Variants in CBR4 observed in about 807,000 individuals in gnomAD.
CBR4 encodes the protein carbonyl reductase 4.
In CBR4, 22 loss-of-function variants were observed where a neutral mutation model predicts 21.0. That is an observed-to-expected ratio of 1.05 (90% CI 0.75 to 1.50). The LOEUF (loss-of-function observed/expected upper bound fraction) is 1.50, where lower values mean the gene tolerates loss of function less well. Among genes scored for constraint, CBR4 ranks in the 40% most tolerant of loss-of-function variants. The pLI is 0.00. For synonymous variants in CBR4, 100 were observed against 104.4 expected (o/e 0.96, Z 0.26); for missense variants, 302 against 286.3 (o/e 1.05, Z -0.40).
intron 2 of CBR4, among the ~76,000 whole-genome samples, chr4:168,957,392 G>T (rs1052286535): frequency 2.0e-5 from 3 of 151,560 alleles, no homozygotes; most frequent in Non-Finnish European, 4.4e-5. Context: ...GGGAAATTTT[G>T]TTCTCCAATG....
chr4:168,924,534 A>T, intron 2 of CBR4: 1 of 1,073,372 alleles, frequency 9.3e-7, no homozygotes, highest in Non-Finnish European at 1.4e-6. Flanking sequence ...AGATGTTTTG[A>T]TTTTTGATGA....
chr4:168,900,958 T>C (rs1756385962), intron 2 of CBR4, among the ~76,000 whole-genome samples: 1 of 152,260 alleles, frequency 6.6e-6, no homozygotes, highest in South Asian at 2.1e-4. Context: ...TCTAAGATTA[T>C]TGATTCTTAT....
chr4:168,937,203 A>G (rs771314016), intron 2 of CBR4, among the ~76,000 whole-genome samples: 10 of 152,156 alleles, frequency 6.6e-5, no homozygotes, highest in Middle Eastern at 3.2e-3. Flanking sequence ...TTCATATCCA[A>G]CCAAACTAAG....
chr4:168,938,630 C>T (rs536900554), intron 2 of CBR4, among the ~76,000 whole-genome samples: 1 of 152,236 alleles, frequency 6.6e-6, no homozygotes, highest in Admixed American at 6.5e-5. Context: ...CAGGGGATAT[C>T]ACCACCAATC....
At position 169,007,654 on chromosome 4, in the gene CBR4, T is replaced by C; in HGVS notation, c.245A>G (p.Asn82Ser). The change falls in exon 2 of 5, where the codon AAT becomes AGT. Residue 82 changes from asparagine to serine, a missense_variant. Asn to Ser is a conservative substitution (Grantham distance 46). Transcript: ENST00000306193. ...GACCAACCTGTTAATACCAGCTGCA[T>C]TTACCAAGAAATTTACTCGACCTAA... ...KHLGRVNFLVNAAGINRDGLL... is the reference protein window; with the variant it reads ...KHLGRVNFLVSAAGINRDGLL... 1 of 1,583,346 alleles carries C rather than the reference T, an allele frequency of 6.3e-7. No individual in the cohort carries two copies. Among genetic ancestry groups the C allele is most frequent in the Non-Finnish European group, 8.6e-7 (1 of 1,166,984 alleles).
At chr4:168,912,253 T>G (rs1048283330) in intron 2 of CBR4, among the ~76,000 whole-genome samples, 1 of 152,224 alleles carries the variant, frequency 6.6e-6, no homozygotes, top group Non-Finnish European at 1.5e-5. Flanking sequence ...GAGAATTTTA[T>G]TCTGAGTGTA....
intron 2 of CBR4, among the ~76,000 whole-genome samples, chr4:168,961,815 G>A (rs1163178733): frequency 2.0e-5 from 3 of 152,032 alleles, no homozygotes; most frequent in Non-Finnish European, 2.9e-5. Context: ...GCTTGAACCC[G>A]GGAGGCGGAG....
intron 2 of CBR4, among the ~76,000 whole-genome samples, chr4:168,938,573 AAAG>A (rs1763175472): frequency 6.6e-6 from 1 of 152,208 alleles, no homozygotes. Context: ...CCAGGCTACT[AAAG>A]AAGAAAAAAG....
intron 2 of CBR4, among the ~76,000 whole-genome samples, chr4:168,979,460 C>T (rs1223195170): frequency 6.6e-6 from 1 of 152,190 alleles, no homozygotes; most frequent in Non-Finnish European, 1.5e-5. Flanking sequence ...TGGACTGGGC[C>T]CCCAGCACAG....
chr4:169,007,546 T>C (rs1731008990), intron 2 of CBR4, 90 bp downstream of exon 2: 1 of 762,754 alleles, frequency 1.3e-6, no homozygotes, highest in Non-Finnish European at 1.8e-6. Flanking sequence ...AGAAGCAAAA[T>C]AAACATATTA....
At chr4:168,914,614 TAGAG>T (rs35221849) in intron 2 of CBR4, among the ~76,000 whole-genome samples, 3,127 of 152,282 alleles carry the variant, frequency 0.021, 86 homozygotes, top group African/African-American at 0.069. Flanking sequence ...TAGGCAGAGA[TAGAG>T]AAAGGATTAT....
At chr4:168,929,256 C>G (rs114248640) in intron 2 of CBR4, among the ~76,000 whole-genome samples, 1 of 152,088 alleles carries the variant, frequency 6.6e-6, no homozygotes, top group African/African-American at 2.4e-5. Context: ...TTACAACAGA[C>G]GGACAACATA....
intron 2 of CBR4, among the ~76,000 whole-genome samples, chr4:168,919,368 C>CA (rs1760941393): frequency 6.6e-6 from 1 of 151,760 alleles, no homozygotes; most frequent in African/African-American, 2.4e-5. Context: ...TACTAAAATA[C>CA]AAAAAAATCA....
At position 168,921,675 on chromosome 4, in the gene CBR4, A is replaced by G. The variant is rs746066225; in HGVS notation, n.170-26910T>C. ...GCCAGTCACGTCACGTGATGCCGGC[A>G]TCTACACATGTATAGCTACCAACCG... On this transcript the variant is annotated intron_variant and non_coding_transcript_variant, in intron 2 of 3. Coordinates refer to the CBR4 transcript ENST00000509108. 2.0e-5 allele frequency: 32 copies of G among 1,611,530 alleles called. No individual in the cohort carries two copies. The South Asian group carries it at 3.4e-4, about 17-fold the overall frequency.
At chr4:168,985,251 AAAG>A (rs1034498676), downstream of CBR4, among the ~76,000 whole-genome samples, 10 of 152,300 alleles carry the variant, frequency 6.6e-5, no homozygotes, top group South Asian at 2.1e-4. Context: ...ACATTTCTCA[AAAG>A]AAGACATACG....
chr4:168,944,387 A>G (rs6815188), intron 2 of CBR4, among the ~76,000 whole-genome samples: 1 of 151,960 alleles, frequency 6.6e-6, no homozygotes, highest in East Asian at 1.9e-4. Context: ...CTATGGCAGA[A>G]GGATTGCTTG....
chr4:168,983,534 G>A (rs1203376835), downstream of CBR4, among the ~76,000 whole-genome samples: 1 of 151,970 alleles, frequency 6.6e-6, no homozygotes, highest in Non-Finnish European at 1.5e-5. Flanking sequence ...AGTCAAGGAG[G>A]GACTCCTTCC....
chr4:168,945,633 T>C (rs983579291), intron 2 of CBR4, among the ~76,000 whole-genome samples: 4 of 151,990 alleles, frequency 2.6e-5, no homozygotes, highest in African/African-American at 9.7e-5. Flanking sequence ...GATTATCTGA[T>C]GGGAAAGGCA....
intron 2 of CBR4, among the ~76,000 whole-genome samples, chr4:168,900,127 C>T (rs1481923255): frequency 2.0e-5 from 3 of 152,076 alleles, no homozygotes; most frequent in African/African-American, 7.2e-5. Flanking sequence ...AACCAGATCT[C>T]ATGTGAACTA....
Sources: allele counts gnomAD v4.1 joint callset (sites outside exome capture counted in the v4.1 genomes callset), GRCh38; gene constraint gnomAD v4.1.1; transcripts MANE v1.5; gene names NCBI Gene and HGNC (gene_info 2026-07-23, HGNC 2026-07-21).